SEC24B: variants seen among roughly 807,000 people sequenced by gnomAD.
SEC24B encodes SEC24 homolog B, COPII component.
In SEC24B, 45 loss-of-function variants were observed where a neutral mutation model predicts 142.8. The observed-to-expected ratio is 0.32, with a 90% CI of 0.25 to 0.40. SEC24B has a LOEUF of 0.40. Ranked by LOEUF, SEC24B falls within the 10% of genes least tolerant of loss-of-function variation. The probability of loss-of-function intolerance (pLI) is 1.00; values close to 1 mark genes in which losing one functional copy is unlikely to be tolerated. For missense variants in SEC24B, 1,409 were observed against 1,526.8 expected (o/e 0.92, Z 1.29); for synonymous variants, 574 against 568.2 (o/e 1.01, Z -0.15).
intron 5 of SEC24B, among the ~76,000 whole-genome samples, chr4:109,493,627 CTA>C (rs1481356055): frequency 2.2e-5 from 3 of 137,920 alleles, no homozygotes; most frequent in Admixed American, 6.8e-5. Context: ...ATTCTAGATA[CTA>C]CCTTTTTTTT....
chr4:109,521,244 T>C (rs1723581510), intron 13 of SEC24B, 72 bp downstream of exon 13: 1 of 1,071,836 alleles, frequency 9.3e-7, no homozygotes, highest in Non-Finnish European at 1.4e-6. Flanking sequence ...ATTTAACATT[T>C]GTTTACTTGA....
chr4:109,487,133 A>G (rs1316246615), intron 4 of SEC24B, among the ~76,000 whole-genome samples: 2 of 150,030 alleles, frequency 1.3e-5, no homozygotes, highest in Non-Finnish European at 3.0e-5. Context: ...CCACTGCACT[A>G]CAGCCTGAGT....
chr4:109,443,412 T>G (rs1255473255), intron 1 of SEC24B, among the ~76,000 whole-genome samples: 1 of 152,086 alleles, frequency 6.6e-6, no homozygotes, highest in Non-Finnish European at 1.5e-5. Flanking sequence ...CAGTTATATA[T>G]AACTTTTATT....
intron 1 of SEC24B, among the ~76,000 whole-genome samples, chr4:109,445,236 T>G (rs1028593083): frequency 6.9e-6 from 1 of 144,766 alleles, no homozygotes; most frequent in Non-Finnish European, 1.5e-5. Flanking sequence ...TTTTCTTTCT[T>G]TCTTTGTTTT....
At chr4:109,507,974 C>T (rs1024251420) in intron 7 of SEC24B, among the ~76,000 whole-genome samples, 1 of 151,994 alleles carries the variant, frequency 6.6e-6, no homozygotes, top group African/African-American at 2.4e-5. Context: ...CAGTAGTTTT[C>T]CAGCTTTAAA....
intron 1 of SEC24B, 87 bp downstream of exon 1, chr4:109,434,089 G>C (rs2125882405): frequency 1.1e-6 from 1 of 906,668 alleles, no homozygotes. Context: ...GGGCCGGGCC[G>C]GGAAGGGCGT....
chr4:109,450,431 G>A (rs997683577), intron 1 of SEC24B, among the ~76,000 whole-genome samples: 13 of 151,966 alleles, frequency 8.6e-5, no homozygotes, highest in Admixed American at 3.9e-4. Flanking sequence ...AGGCAGAGGC[G>A]GGTGGATGAT....
chr4:109,510,017 G>T lies in SEC24B; in HGVS notation c.1682G>T (p.Arg561Leu), dbSNP rs766013417. ...GTTTATGTTTTTTGCAGTTCATTTC[G>T]GTGTACTTTGACAAATATTCCACAG... ...KKLNCSPDSF[R>L]CTLTNIPQTQ... Residue 561 changes from arginine to leucine, a missense_variant, in exon 8 of 24, where the codon CGG (arginine) becomes CTG (leucine). Around this residue, in one of 2 missense-constraint regions of SEC24B, gnomAD observed 700 missense variants for 853.3 expected, o/e 0.82. Coordinates refer to ENST00000265175, the MANE Select transcript of SEC24B (RefSeq NM_006323.5). 3 of 1,595,552 alleles carry T rather than the reference G, an allele frequency of 1.9e-6. No homozygotes were observed. The highest frequency in any genetic ancestry group is 1.7e-6 in the Non-Finnish European group (2 of 1,171,864).
chr4:109,448,882 T>G (rs1019031910), intron 1 of SEC24B, among the ~76,000 whole-genome samples: 1 of 152,200 alleles, frequency 6.6e-6, no homozygotes, highest in Non-Finnish European at 1.5e-5. Flanking sequence ...TCATGTTGCA[T>G]TTAGTTGTCA....
In SEC24B at chr4:109,515,610, T is replaced by C. The variant is rs1722761666; in HGVS notation, c.2014-918T>C. Among the ~76,000 whole-genome samples, 4 of 152,300 alleles carry C rather than the reference T, an allele frequency of 2.6e-5. No homozygotes were observed. In the South Asian group the frequency reaches 8.3e-4, roughly 32 times the overall value. On this transcript the variant is annotated intron_variant, in intron 10 of 23. Coordinates refer to ENST00000265175, the MANE Select transcript of SEC24B (RefSeq NM_006323.5). ...CCCAAAAGTGCTGGGATTACAGGCA[T>C]GAGCCACTGCACCTGGCCTATTTCA... is the stretch of plus-strand genomic sequence containing the variant.
chr4:109,472,048 C>T (rs1230132556), intron 2 of SEC24B, among the ~76,000 whole-genome samples: 1 of 152,196 alleles, frequency 6.6e-6, no homozygotes, highest in Non-Finnish European at 1.5e-5. Context: ...TACCTTCTTT[C>T]CCCATTCCTC....
intron 1 of SEC24B, among the ~76,000 whole-genome samples, chr4:109,434,339 G>A (rs1015121419): frequency 6.6e-6 from 1 of 152,154 alleles, no homozygotes; most frequent in East Asian, 1.9e-4. Flanking sequence ...GGGAGCCCAC[G>A]TAGTAAAACC....
intron 4 of SEC24B, chr4:109,488,671 C>T (rs1343368091): frequency 6.1e-6 from 1 of 163,386 alleles, no homozygotes; most frequent in Non-Finnish European, 1.5e-5. Context: ...AACTGCCAAA[C>T]TGTTTTCCAA....
intron 4 of SEC24B, among the ~76,000 whole-genome samples, chr4:109,487,389 G>A (rs1734486285): frequency 6.6e-6 from 1 of 152,162 alleles, no homozygotes; most frequent in African/African-American, 2.4e-5. Context: ...AGAGTCAGAA[G>A]TTTGGTGTAA....
At position 109,527,435 on chromosome 4, in the gene SEC24B, G is replaced by A; in HGVS notation, c.3076+3G>A. 1 of 1,588,290 alleles carries A rather than the reference G, an allele frequency of 6.3e-7. No individual in the cohort carries two copies. The highest frequency in any genetic ancestry group is 8.6e-7 in the Non-Finnish European group (1 of 1,158,756). ...CATCTGCCTTCTGGCAAACATGGGT[G>A]AGTAAAAATTGAAGGAACATGTGAA... On this transcript the variant is annotated splice_donor_region_variant and intron_variant, in intron 18 of 23. Transcript: ENST00000265175.
intron 22 of SEC24B, among the ~76,000 whole-genome samples, chr4:109,535,189 A>AT (rs1725382782): frequency 1.3e-5 from 2 of 152,206 alleles, no homozygotes; most frequent in South Asian, 4.1e-4. Flanking sequence ...ACTGGGTCAC[A>AT]TGATAACTCT....
chr4:109,487,144 G>A lies in SEC24B; in HGVS notation c.1166-4183G>A, dbSNP rs373424423. 1.5e-4 allele frequency among the ~76,000 whole-genome samples: 21 copies of A among 139,188 alleles called. No homozygotes were observed. The South Asian group carries it at 4.7e-3, about 31-fold the overall frequency. The allele number at this position is 139,188 out of a possible 152,430, so 91.3% of individuals were successfully genotyped here. A position where few individuals can be genotyped will look rare whatever the true frequency, so the allele number is the denominator to read the frequency against. Reference sequence around the variant, plus strand: ...CACGCCACTGCACTACAGCCTGAGTGACAAGAGTGAGACTCTGTCTCAAAA... The same window carrying A: ...CACGCCACTGCACTACAGCCTGAGTAACAAGAGTGAGACTCTGTCTCAAAA... On this transcript the variant is annotated intron_variant, in intron 4 of 23. Coordinates refer to ENST00000265175, the MANE Select transcript of SEC24B (RefSeq NM_006323.5).
chr4:109,441,845 G>A (rs966083635), intron 1 of SEC24B, among the ~76,000 whole-genome samples: 6 of 152,208 alleles, frequency 3.9e-5, no homozygotes, highest in Non-Finnish European at 8.8e-5. Flanking sequence ...GCCTGTGTCT[G>A]TAGGCTCTGT....
At position 109,527,228 on chromosome 4, in the gene SEC24B, AAAAAG is replaced by A. The variant is rs904836682; in HGVS notation, c.2966-90_2966-86del. On this transcript the variant is annotated intron_variant, in intron 17 of 23. Transcript: ENST00000265175. ...AGCAAGACTCCGTCTCAAAAAAAAAAAAAAGAAAGAAAGAAAGAAAAAAAGTATTT... is the reference window on the plus strand; with the variant it reads ...AGCAAGACTCCGTCTCAAAAAAAAAAAAAGAAAGAAAGAAAAAAAGTATTT... 6.8e-5 allele frequency: 63 copies of A among 932,474 alleles called. No individual in the cohort carries two copies. In the Middle Eastern group the frequency reaches 6.9e-4, roughly 10 times the overall value. 57.8% of individuals were successfully genotyped at this position (932,474 alleles called of 1,614,324 possible).
Sources: gnomAD v4.1 joint callset for allele counts (sites outside exome capture counted in the v4.1 genomes callset) on GRCh38, gnomAD v4.1.1 for gene constraint, gnomAD v4.1.1 regional missense constraint, MANE v1.5 for transcripts, NCBI Gene and HGNC (gene_info 2026-07-23, HGNC 2026-07-21) for gene names.